The following ADAMTS14 variants were observed in gnomAD, a reference collection of about 807,000 sequenced individuals.
The protein encoded by ADAMTS14 is A disintegrin and metalloproteinase with thrombospondin motifs 14.
A neutral mutation model predicts 128.6 loss-of-function variants in ADAMTS14; 100 were observed. The observed-to-expected ratio is 0.78, with a 90% CI of 0.66 to 0.92. The LOEUF (loss-of-function observed/expected upper bound fraction) is 0.92, where lower values mean the gene tolerates loss of function less well. Among genes scored for constraint, ADAMTS14 ranks in the 40% least tolerant of loss-of-function variants. The pLI, the probability that ADAMTS14 is intolerant of heterozygous loss-of-function variation, is 0.00. For missense variants in ADAMTS14, 1,562 were observed against 1,658.6 expected (o/e 0.94, Z 1.01); for synonymous variants, 665 against 653.8 (o/e 1.02, Z -0.26).
intron 2 of ADAMTS14, among the ~76,000 whole-genome samples, chr10:70,678,848 G>T (rs1839720411): frequency 6.6e-6 from 1 of 152,150 alleles, no homozygotes; most frequent in Non-Finnish European, 1.5e-5. Flanking sequence ...GGCTGACCTT[G>T]TTGGAGTTTG....
At chr10:70,672,964 C>G in intron 1 of ADAMTS14, 80 bp downstream of exon 1, 2 of 1,360,566 alleles carry the variant, frequency 1.5e-6, no homozygotes, top group Non-Finnish European at 9.4e-7. Flanking sequence ...GCCCCAGCCA[C>G]CCGGGCAGGG....
intron 19 of ADAMTS14, among the ~76,000 whole-genome samples, 195 bp downstream of exon 19, chr10:70,754,202 C>T (rs561143137): frequency 7.2e-5 from 11 of 152,356 alleles, no homozygotes; most frequent in African/African-American, 2.6e-4. Context: ...TCATTCATTC[C>T]TGCCAGTAAG....
At chr10:70,708,400 G>A (rs1331422474) in intron 3 of ADAMTS14, among the ~76,000 whole-genome samples, 188 bp from the exon 4 acceptor site, 1 of 152,178 alleles carries the variant, frequency 6.6e-6, no homozygotes, top group Non-Finnish European at 1.5e-5. Flanking sequence ...ATTTAGCAGT[G>A]CCCTCATGGC....
chr10:70,699,797 G>T (rs1840441077), intron 2 of ADAMTS14, among the ~76,000 whole-genome samples: 1 of 152,204 alleles, frequency 6.6e-6, no homozygotes, highest in African/African-American at 2.4e-5. Flanking sequence ...CAGGTGCCTG[G>T]TGTGTGGGAG....
chr10:70,672,979 C>A, intron 1 of ADAMTS14, 95 bp downstream of exon 1: 1 of 1,340,756 alleles, frequency 7.5e-7, no homozygotes, highest in South Asian at 1.9e-5. Context: ...GCAGGGTTCC[C>A]GCGGGTGGGA....
At chr10:70,736,126 T>C (rs557819888) in intron 9 of ADAMTS14, among the ~76,000 whole-genome samples, 6 of 152,354 alleles carry the variant, frequency 3.9e-5, no homozygotes, top group African/African-American at 1.4e-4. Context: ...TGTAGGATGC[T>C]TGTCTGGCTG....
At chr10:70,689,620 C>G (rs1427652515) in intron 2 of ADAMTS14, among the ~76,000 whole-genome samples, 1 of 145,716 alleles carries the variant, frequency 6.9e-6, no homozygotes, top group African/African-American at 2.4e-5. Flanking sequence ...GAATAACCAG[C>G]ACTGGGGTGG....
Position 70,732,304 on chromosome 10 carries a change from A to C in ADAMTS14, c.1153A>C (p.Asn385His). ...TCACCCCCTGAGGAGCTGTGCCCTC[A>C]ACCATGAGGATGGCTTCTCCTCAGC... ...MCHPLRSCAL[N>H]HEDGFSSAFV... Residue 385 changes from asparagine (N) to histidine (H), a missense_variant, in exon 7 of 22, where the codon AAC becomes CAC. Coordinates refer to ENST00000373207, the MANE Select transcript of ADAMTS14 (RefSeq NM_080722.4). 1 of 1,614,228 alleles carries C rather than the reference A, an allele frequency of 6.2e-7. No individual in the cohort carries two copies. The highest frequency in any genetic ancestry group is 8.5e-7 in the Non-Finnish European group (1 of 1,180,030).
chr10:70,699,582 G>A (rs967272463), intron 2 of ADAMTS14, among the ~76,000 whole-genome samples: 1 of 152,172 alleles, frequency 6.6e-6, no homozygotes, highest in Admixed American at 6.5e-5. Context: ...GATCTTGAAA[G>A]GTCTGTAGCC....
At chr10:70,698,098 G>A (rs1460796270) in intron 2 of ADAMTS14, among the ~76,000 whole-genome samples, 1 of 152,086 alleles carries the variant, frequency 6.6e-6, no homozygotes, top group Non-Finnish European at 1.5e-5. Context: ...ATGATTCTTT[G>A]TTTTAGTTTT....
At chr10:70,756,132 A>C (rs894116871) in intron 19 of ADAMTS14, among the ~76,000 whole-genome samples, 1 of 152,226 alleles carries the variant, frequency 6.6e-6, no homozygotes, top group African/African-American at 2.4e-5. Context: ...TTCAGTATGA[A>C]GTAAAAAAGC....
intron 1 of ADAMTS14, 33 bp downstream of exon 1, chr10:70,672,917 G>T: frequency 7.0e-7 from 1 of 1,420,278 alleles, no homozygotes; most frequent in Non-Finnish European, 9.1e-7. Flanking sequence ...GGGGCCCGTG[G>T]GGTCCGGGGT....
chr10:70,739,585 T>A (rs1841933723), intron 11 of ADAMTS14, among the ~76,000 whole-genome samples: 1 of 152,000 alleles, frequency 6.6e-6, no homozygotes, highest in Non-Finnish European at 1.5e-5. Context: ...AGAGGCAGCC[T>A]GTTTAGAACA....
chr10:70,733,922 G>A lies in ADAMTS14; in HGVS notation c.1246G>A (p.Ala416Thr), dbSNP rs1340225837. ...GCATGACGGTCAGGGGAATGGCTGT[G>A]CAGATGAGACCAGCCTGGGCAGCGT... ...MEHDGQGNGC[A>T]DETSLGSVMA... Residue 416 changes from alanine (A) to threonine (T), a missense_variant, in exon 8 of 22, where the codon GCA becomes ACA. Coordinates refer to ENST00000373207, the MANE Select transcript of ADAMTS14 (RefSeq NM_080722.4). 2 of 1,613,926 alleles carry A rather than the reference G, an allele frequency of 1.2e-6. No individual in the cohort carries two copies. The highest frequency in any genetic ancestry group is 1.7e-6 in the Non-Finnish European group (2 of 1,179,992).
At chr10:70,707,310 T>C (rs894677627) in intron 3 of ADAMTS14, among the ~76,000 whole-genome samples, 6 of 152,206 alleles carry the variant, frequency 3.9e-5, no homozygotes, top group African/African-American at 1.2e-4. Context: ...TGGTGGCCTC[T>C]TCACATCCTC....
rs577828785 is a variant in ADAMTS14 at position 70,738,786 on chromosome 10, G to A, written c.1600-56G>A. On this transcript the variant is annotated intron_variant, in intron 10 of 21. Coordinates refer to ENST00000373207, the MANE Select transcript of ADAMTS14 (RefSeq NM_080722.4). ...TTGCTATCCCTTTTTCTGGCTCCCC[G>A]GGTGGGCTCAGCAGCAGCAGCCCAG... 2.0e-4 allele frequency: 328 copies of A among 1,609,776 alleles called. 1 individual carries two copies. The highest frequency in any genetic ancestry group is 2.5e-4 in the Non-Finnish European group (295 of 1,178,924).
At chr10:70,686,037 C>A (rs1024481948) in intron 2 of ADAMTS14, among the ~76,000 whole-genome samples, 28 of 152,154 alleles carry the variant, frequency 1.8e-4, no homozygotes, top group Non-Finnish European at 1.2e-4. Flanking sequence ...CTGTTTTATC[C>A]ATTTTCAAAA....
In ADAMTS14 at chr10:70,758,100, G is replaced by C. The variant is rs1258430077; in HGVS notation, c.3067+9G>C. 1 of 1,612,320 alleles carries C rather than the reference G, an allele frequency of 6.2e-7. No homozygotes were observed. The highest frequency in any genetic ancestry group is 1.3e-5 in the African/African-American group (1 of 74,938). On this transcript the variant is annotated intron_variant, in intron 20 of 21. Coordinates refer to ENST00000373207, the MANE Select transcript of ADAMTS14 (RefSeq NM_080722.4). ...CCTGCCCGCCTGTGGAGGTGAGCCA[G>C]AGGGGATGGGGAGGCCAGGTCCAGT... is the stretch of plus-strand genomic sequence containing the variant.
intron 2 of ADAMTS14, among the ~76,000 whole-genome samples, chr10:70,693,833 C>G (rs1188777449): frequency 6.6e-6 from 1 of 152,238 alleles, no homozygotes; most frequent in Non-Finnish European, 1.5e-5. Context: ...AGATAACTCT[C>G]TCCAGCTGGC....
Sources: gnomAD v4.1 joint callset for allele counts (sites outside exome capture counted in the v4.1 genomes callset) on GRCh38, gnomAD v4.1.1 for gene constraint, MANE v1.5 for transcripts, NCBI Gene and HGNC (gene_info 2026-07-23, HGNC 2026-07-21) for gene names.